Variants in CNTNAP2 observed in about 807,000 individuals in gnomAD.
CNTNAP2 encodes the protein contactin associated protein 2, also known as contactin-associated protein-like 2.
In CNTNAP2, 98 loss-of-function variants were observed where a neutral mutation model predicts 155.2. That is an observed-to-expected ratio of 0.63 (90% CI 0.54 to 0.75). The LOEUF (loss-of-function observed/expected upper bound fraction) is 0.75, where lower values mean the gene tolerates loss of function less well. Ranked by LOEUF, CNTNAP2 falls within the 30% of genes least tolerant of loss-of-function variation. CNTNAP2 has a pLI of 0.00. For synonymous variants in CNTNAP2, 651 were observed against 631.2 expected (o/e 1.03, Z -0.47); for missense variants, 1,727 against 1,688.1 (o/e 1.02, Z -0.40).
intron 13 of CNTNAP2, among the ~76,000 whole-genome samples, chr7:147,733,765 TA>T (rs1231017156): frequency 6.6e-6 from 1 of 152,210 alleles, no homozygotes. Flanking sequence ...CTAGGTATTT[TA>T]TTCTCTTTGA....
At chr7:146,867,781 CT>C (rs1457866004) in intron 3 of CNTNAP2, among the ~76,000 whole-genome samples, 1 of 150,734 alleles carries the variant, frequency 6.6e-6, no homozygotes, top group Admixed American at 6.6e-5. Flanking sequence ...GTGATAGTGA[CT>C]TTTTTTTTTC....
At chr7:146,650,550 G>C (rs968068631) in intron 1 of CNTNAP2, among the ~76,000 whole-genome samples, 1 of 151,988 alleles carries the variant, frequency 6.6e-6, no homozygotes, top group Non-Finnish European at 1.5e-5. Flanking sequence ...TTGCGGGGTG[G>C]GGGGCTAGGA....
At chr7:146,721,279 ATATTCTATATATATTCTATATATG>A (rs1356708446) in intron 1 of CNTNAP2, among the ~76,000 whole-genome samples, 10 of 131,448 alleles carry the variant, frequency 7.6e-5, no homozygotes, top group African/African-American at 1.4e-4. Flanking sequence ...TATTCTATAT[ATATTCTATATATATTCTATATATG>A]TATTCTATAT....
chr7:146,494,028 A>G (rs1797176756), intron 1 of CNTNAP2, among the ~76,000 whole-genome samples: 1 of 152,150 alleles, frequency 6.6e-6, no homozygotes, highest in Non-Finnish European at 1.5e-5. Flanking sequence ...GAAGTAAATA[A>G]AAAATTTAAA....
intron 16 of CNTNAP2, among the ~76,000 whole-genome samples, chr7:148,123,741 A>C (rs1157530414): frequency 6.6e-6 from 1 of 150,434 alleles, no homozygotes; most frequent in Non-Finnish European, 1.5e-5. Flanking sequence ...GGAAGAAAGA[A>C]AGAAAAGAAA....
intron 9 of CNTNAP2, among the ~76,000 whole-genome samples, chr7:147,305,556 C>T (rs1420600209): frequency 6.6e-6 from 1 of 152,176 alleles, no homozygotes; most frequent in African/African-American, 2.4e-5. Flanking sequence ...TTTGTACCAA[C>T]AGGAAATCTA....
At chr7:148,112,078 A>G (rs1226669879) in intron 15 of CNTNAP2, among the ~76,000 whole-genome samples, 2 of 152,222 alleles carry the variant, frequency 1.3e-5, no homozygotes, top group African/African-American at 4.8e-5. Context: ...AGAGAGCCAT[A>G]GAAGATGCCT....
rs180782119 is a variant in CNTNAP2, at chr7:146,914,716, G to A, written c.402+74812G>A. On this transcript the variant is annotated intron_variant, in intron 3 of 23. Coordinates refer to ENST00000361727, the MANE Select transcript of CNTNAP2 (RefSeq NM_014141.6). ...ATATTAGTTCTTTGTCTGATTTATA[G>A]ATTATAAAGATTTTCTCCCACTCTG... Among the ~76,000 whole-genome samples, 5 of 152,230 alleles carry A rather than the reference G, an allele frequency of 3.3e-5. No individual in the cohort carries two copies. The East Asian group carries it at 9.6e-4, about 29-fold the overall frequency.
chr7:146,869,081 C>T (rs1795257145), intron 3 of CNTNAP2, among the ~76,000 whole-genome samples: 1 of 152,146 alleles, frequency 6.6e-6, no homozygotes, highest in Non-Finnish European at 1.5e-5. Flanking sequence ...AGAGGGCATC[C>T]TTGTCTTGTG....
At chr7:146,277,608 C>G (rs1394733135) in intron 1 of CNTNAP2, among the ~76,000 whole-genome samples, 1 of 152,142 alleles carries the variant, frequency 6.6e-6, no homozygotes, top group African/African-American at 2.4e-5. Flanking sequence ...TTATTTCCTG[C>G]TTATCCATTA....
chr7:148,364,271 C>T (rs1798687194), intron 21 of CNTNAP2, among the ~76,000 whole-genome samples: 1 of 152,212 alleles, frequency 6.6e-6, no homozygotes, highest in African/African-American at 2.4e-5. Context: ...CAGCTGGGCT[C>T]CTGAGTCTGG....
rs534868447 is a variant in CNTNAP2 at position 147,172,074 on chromosome 7, A to G, written c.1348+39565A>G. Among the ~76,000 whole-genome samples the G allele has an allele frequency of 4.6e-4, 70 of 152,290 alleles. No homozygotes were observed. In the South Asian group the frequency reaches 5.0e-3, roughly 11 times the overall value. On this transcript the variant is annotated intron_variant, in intron 8 of 23. Coordinates refer to ENST00000361727, the MANE Select transcript of CNTNAP2 (RefSeq NM_014141.6). ...ATATGATCTTCACTAATACTGGTTC[A>G]TTGTAATTTCCACTTTTATTACCTT...
At chr7:146,721,860 TGTGTGTGTGTGTG>T in intron 1 of CNTNAP2, among the ~76,000 whole-genome samples, 1 of 89,438 alleles carries the variant, frequency 1.1e-5, no homozygotes, top group African/African-American at 1.4e-4. Flanking sequence ...TACATTTATA[TGTGTGTGTGTGTG>T]TGTATATATA....
chr7:146,775,427 T>C (rs927020971), intron 2 of CNTNAP2, among the ~76,000 whole-genome samples: 9 of 152,000 alleles, frequency 5.9e-5, no homozygotes, highest in African/African-American at 1.9e-4. Flanking sequence ...AATATATAAA[T>C]TTTTTGTGAC....
At chr7:147,143,484 A>G (rs559357119) in intron 8 of CNTNAP2, among the ~76,000 whole-genome samples, 1 of 152,338 alleles carries the variant, frequency 6.6e-6, no homozygotes, top group East Asian at 1.9e-4. Context: ...TTTTAAGAAC[A>G]ACAATCCCAC....
At chr7:146,358,201 A>AT (rs1438541671) in intron 1 of CNTNAP2, among the ~76,000 whole-genome samples, 3 of 151,704 alleles carry the variant, frequency 2.0e-5, no homozygotes, top group Non-Finnish European at 4.4e-5. Context: ...TGCCCGGCTA[A>AT]TTTTTTGTAT....
intron 4 of CNTNAP2, among the ~76,000 whole-genome samples, chr7:147,098,005 G>C (rs780214426): frequency 2.0e-5 from 3 of 152,138 alleles, no homozygotes; most frequent in Non-Finnish European, 4.4e-5. Flanking sequence ...ATTCTGTGTA[G>C]TGATAATGCA....
intron 8 of CNTNAP2, among the ~76,000 whole-genome samples, chr7:147,176,773 T>TTC: frequency 8.6e-6 from 1 of 116,622 alleles, no homozygotes; most frequent in Admixed American, 9.8e-5. Flanking sequence ...TTATATAGAA[T>TTC]TATATATAAT....
intron 3 of CNTNAP2, among the ~76,000 whole-genome samples, chr7:147,000,348 G>A (rs544695047): frequency 3.4e-4 from 52 of 151,654 alleles, no homozygotes; most frequent in African/African-American, 1.0e-3. Flanking sequence ...TTACTTTATC[G>A]TGAGGCATTT....
Sources: gnomAD v4.1 joint callset for allele counts (sites outside exome capture counted in the v4.1 genomes callset) on GRCh38, gnomAD v4.1.1 for gene constraint, MANE v1.5 for transcripts, NCBI Gene and HGNC (gene_info 2026-07-23, HGNC 2026-07-21) for gene names.